Variants in RENBP observed in about 807,000 individuals in gnomAD.
RENBP encodes the protein N-acylglucosamine 2-epimerase.
Under a neutral mutation model 37.8 loss-of-function variants are expected in RENBP, and 16 were observed. The ratio of observed to expected loss-of-function variants is 0.42; its 90% CI spans 0.29 to 0.64. The LOEUF (loss-of-function observed/expected upper bound fraction) is 0.64. RENBP is among the 30% of genes least tolerant of loss of function. RENBP has a pLI of 0.19. For missense variants in RENBP, 347 were observed against 379.5 expected (o/e 0.91, Z 0.71); for synonymous variants, 170 against 154.8 (o/e 1.10, Z -0.73).
Position 153,941,600 on chromosome X carries a change from C to CGCCTTTCCGAATGCA in RENBP, c.808_822dup (p.Cys270_Gly274dup). ...ATCACGTGGGCTCGAAGTTCGGGGT[C>CGCCTTTCCGAATGCA]GCCTTTCCGAATGCAATGACGGAGC... On this transcript the variant is annotated inframe_insertion, in exon 8 of 11. Coordinates refer to ENST00000393700, the MANE Select transcript of RENBP (RefSeq NM_002910.6). The CGCCTTTCCGAATGCA allele has an allele frequency of 8.3e-7, 1 of 1,206,630 alleles. No individual in the cohort carries two copies.
chrX:153,938,786 TTTTTTTTTTG>T (rs372221858), intron 9 of RENBP, among the ~76,000 whole-genome samples: 33 of 93,713 alleles, frequency 3.5e-4, no homozygotes, highest in East Asian at 2.3e-3. Context: ...TGTACTGTTT[TTTTTTTTTTG>T]TTTTTTTTTT....
intron 5 of RENBP, 36 bp from the exon 6 acceptor site, chrX:153,943,115 A>G (rs1557109911): frequency 2.0e-6 from 2 of 1,018,033 alleles, no homozygotes; most frequent in African/African-American, 3.8e-5. Flanking sequence ...GCCCAGGCTG[A>G]GGCTACATCC....
chrX:153,941,497 T>C lies in RENBP; in HGVS notation c.926A>G (p.Asp309Gly). 2 of 1,210,747 alleles carry C rather than the reference T, an allele frequency of 1.7e-6. No homozygotes were observed. Among genetic ancestry groups the C allele is most frequent in the African/African-American group, 1.7e-5 (1 of 57,557 alleles). The part of the protein sequence containing the change: ...HGGLFYFQDA[D>G]NFCPTQLEWA... ...TCCCACCTGGGTGGGGCAGAAGTTA[T>C]CAGCATCCTGGAAGTAAAAGAGGCC... Residue 309 changes from aspartate to glycine, a missense_variant, in exon 8 of 11, where the codon GAT becomes GGT. By Grantham distance (94) the Asp-to-Gly change is moderately conservative. This residue lies in a region of RENBP where 244 missense variants were observed against 279.4 expected (regional missense o/e 0.87). Transcript: ENST00000393700.
In RENBP at chrX:153,944,564, C is replaced by A. The variant is rs782290336; in HGVS notation, c.27+20G>T. On this transcript the variant is annotated intron_variant, in intron 1 of 10. Coordinates refer to ENST00000393700, the MANE Select transcript of RENBP (RefSeq NM_002910.6). Reference sequence around the variant, plus strand: ...GGGACCCTCCAAGACAGCACTCCCCCCAAGCACCCCACCACTGGCCTGTCG... The same window carrying A: ...GGGACCCTCCAAGACAGCACTCCCCACAAGCACCCCACCACTGGCCTGTCG... 6.8e-6 allele frequency: 8 copies of A among 1,169,693 alleles called. No homozygotes were observed. Among genetic ancestry groups the A allele is most frequent in the South Asian group, 5.6e-5 (3 of 53,151 alleles).
rs985613430 is a variant in RENBP, at chrX:153,942,775, G to A, written c.687+80C>T. 7.2e-5 allele frequency: 58 copies of A among 801,513 alleles called. No individual in the cohort carries two copies. In the African/African-American group the frequency reaches 7.7e-4, roughly 11 times the overall value. 66.1% of individuals were successfully genotyped at this position (801,513 alleles called of 1,213,427 possible). A position where few individuals can be genotyped will look rare whatever the true frequency, so the allele number is the denominator to read the frequency against. On this transcript the variant is annotated intron_variant, in intron 6 of 10. Coordinates refer to ENST00000393700, the MANE Select transcript of RENBP (RefSeq NM_002910.6). ...CATCCCCGAATCTCTGTCTCTCCAG[G>A]TGTGTCGAGCCCCAGGGTGCCCAGG...
At chrX:153,942,411 A>C in intron 6 of RENBP, 1 of 176,741 alleles carries the variant, frequency 5.7e-6, no homozygotes, top group African/African-American at 3.1e-5. Flanking sequence ...TAATTTTTGT[A>C]TTTTTAGTAG....
In RENBP at chrX:153,941,660, A is replaced by T; in HGVS notation, c.770-7T>A. The stretch of plus-strand genomic sequence containing the variant: ...CCGGCTTCCAGCGTGTGGCCTGGTG[A>T]GGGGTGGAGTACGGAAGGGCGGGGG... On this transcript the variant is annotated splice_polypyrimidine_tract_variant and splice_region_variant and intron_variant, in intron 7 of 10. Transcript: ENST00000393700. 1.4e-6 allele frequency: 1 copy of T among 729,046 alleles called. No individual in the cohort carries two copies. Among genetic ancestry groups the T allele is most frequent in the Non-Finnish European group, 1.8e-6 (1 of 570,001 alleles). 60.1% of individuals were successfully genotyped at this position (729,046 alleles called of 1,213,427 possible). A position where few individuals can be genotyped will look rare whatever the true frequency, so the allele number is the denominator to read the frequency against.
chrX:153,942,785 C>T, intron 6 of RENBP, 70 bp downstream of exon 6: 1 of 903,243 alleles, frequency 1.1e-6, no homozygotes, highest in Non-Finnish European at 1.6e-6. Context: ...GTGTGTCGAG[C>T]CCCAGGGTGC....
In RENBP at chrX:153,943,662, A is replaced by G. The variant is rs1557110022; in HGVS notation, c.346T>C (p.Phe116Leu). 8.3e-7 allele frequency: 1 copy of G among 1,210,084 alleles called. No homozygotes were observed. The highest frequency in any genetic ancestry group is 1.1e-6 in the Non-Finnish European group (1 of 895,202). Residue 116 changes from phenylalanine to leucine, a missense_variant, in exon 5 of 11, where the codon TTT (phenylalanine) becomes CTT (leucine). Phe to Leu is a conservative substitution (Grantham distance 22). Coordinates refer to ENST00000393700, the MANE Select transcript of RENBP (RefSeq NM_002910.6). ...GGGCGGCCGTCCCGAGTCAGCACAAAGGCACACTTCTTGCCAGGAGGTGCC... is the reference window on the plus strand; with the variant it reads ...GGGCGGCCGTCCCGAGTCAGCACAAGGGCACACTTCTTGCCAGGAGGTGCC... ...RVAPPGKKCA[F>L]VLTRDGRPVK...
At position 153,941,944 on chromosome X, in the gene RENBP, C is replaced by A; in HGVS notation, c.769+6G>T. 1 of 1,069,887 alleles carries A rather than the reference C, an allele frequency of 9.3e-7. No individual in the cohort carries two copies. Among genetic ancestry groups the A allele is most frequent in the Admixed American group, 2.2e-5 (1 of 45,572 alleles). The allele number at this position is 1,069,887 out of a possible 1,213,427, so 88.2% of individuals were successfully genotyped here. ...TGGGTGGCCCCCAGCCCACCCCGCC[C>A]CTCACCTGGGTTCTGCTGTCTCCCC... On this transcript the variant is annotated splice_donor_region_variant and intron_variant, in intron 7 of 10. Coordinates refer to ENST00000393700, the MANE Select transcript of RENBP (RefSeq NM_002910.6).
At chrX:153,942,142 G>T in intron 6 of RENBP, 111 bp from the exon 7 acceptor site, 1 of 559,541 alleles carries the variant, frequency 1.8e-6, no homozygotes, top group Non-Finnish European at 2.9e-6. Context: ...TCTTACCCAA[G>T]CCCCTGGACC....
chrX:153,936,540 CAAAG>C (rs2065203572), intron 9 of RENBP, among the ~76,000 whole-genome samples: 1 of 104,041 alleles, frequency 9.6e-6, no homozygotes, highest in Non-Finnish European at 2.0e-5. Flanking sequence ...AGAAAAGAAA[CAAAG>C]AACCCTGATG....
chrX:153,941,609 G>T lies in RENBP; in HGVS notation c.814C>A (p.Arg272=), dbSNP rs1284142863. 5 of 1,200,214 alleles carry T rather than the reference G, an allele frequency of 4.2e-6. No homozygotes were observed. Among genetic ancestry groups the T allele is most frequent in the Non-Finnish European group, 5.6e-6 (5 of 892,230 alleles). ...GCTCGAAGTTCGGGGTCGCCTTTCC[G>T]AATGCAATGACGGAGCAGAAACCAG... The part of the protein sequence containing the change: ...AGWFLLRHCI[R]KGDPELRAHV... Residue 272 remains arginine (R), a synonymous_variant, in exon 8 of 11, where the codon CGG becomes AGG. Coordinates refer to ENST00000393700, the MANE Select transcript of RENBP (RefSeq NM_002910.6).
At chrX:153,940,785 A>G (rs1321460848) in intron 8 of RENBP, among the ~76,000 whole-genome samples, 7 of 112,089 alleles carry the variant, frequency 6.2e-5, no homozygotes, top group Non-Finnish European at 7.5e-5. Context: ...TATATGGTCT[A>G]AAAAGGGGAG....
At chrX:153,938,796 G>GA (rs1557108988) in intron 9 of RENBP, among the ~76,000 whole-genome samples, 6 of 75,019 alleles carry the variant, frequency 8.0e-5, no homozygotes, top group Non-Finnish European at 1.4e-4. Context: ...TTTTTTTTTT[G>GA]TTTTTTTTTT....
At chrX:153,941,925 G>GCGCGCCC in intron 7 of RENBP, 25 bp downstream of exon 7, 4 of 708,479 alleles carry the variant, frequency 5.6e-6, no homozygotes, top group Non-Finnish European at 9.1e-6. Flanking sequence ...CTCCTGGGTG[G>GCGCGCCC]CCCCCAGCCC....
At position 153,941,656 on chromosome X, in the gene RENBP, G is replaced by A. The variant is rs1481118893; in HGVS notation, c.770-3C>T. 1.0e-6 allele frequency: 1 copy of A among 1,002,741 alleles called. No individual in the cohort carries two copies. The highest frequency in any genetic ancestry group is 5.4e-5 in the East Asian group (1 of 18,558). The allele number at this position is 1,002,741 out of a possible 1,213,427, so 82.6% of individuals were successfully genotyped here. A position where few individuals can be genotyped will look rare whatever the true frequency, so the allele number is the denominator to read the frequency against. ...CCAGCCGGCTTCCAGCGTGTGGCCT[G>A]GTGAGGGGTGGAGTACGGAAGGGCG... On this transcript the variant is annotated splice_polypyrimidine_tract_variant and splice_region_variant and intron_variant, in intron 7 of 10. Coordinates refer to ENST00000393700, the MANE Select transcript of RENBP (RefSeq NM_002910.6).
intron 9 of RENBP, among the ~76,000 whole-genome samples, chrX:153,937,405 A>G (rs2065208169): frequency 9.2e-6 from 1 of 109,130 alleles, no homozygotes; most frequent in African/African-American, 3.3e-5. Flanking sequence ...ATGCATAATG[A>G]CTTACCTGTT....
intron 9 of RENBP, among the ~76,000 whole-genome samples, chrX:153,938,913 C>T (rs1378973630): frequency 9.4e-6 from 1 of 106,547 alleles, no homozygotes; most frequent in East Asian, 3.0e-4. Context: ...CCTGCCTCTG[C>T]CTCCCAAGTA....
Sources: gnomAD v4.1 joint callset for allele counts (sites outside exome capture counted in the v4.1 genomes callset) on GRCh38, gnomAD v4.1.1 for gene constraint, gnomAD v4.1.1 regional missense constraint, MANE v1.5 for transcripts, NCBI Gene and HGNC (gene_info 2026-07-23, HGNC 2026-07-21) for gene names.